The following PDE1A variants were observed in gnomAD, a reference collection of about 807,000 sequenced individuals.
PDE1A encodes dual specificity calcium/calmodulin-dependent 3',5'-cyclic nucleotide phosphodiesterase 1A.
PDE1A carries 35 observed loss-of-function variants against 61.7 expected under a neutral mutation model. The observed-to-expected ratio is 0.57, with a 90% confidence interval of 0.43 to 0.75. The LOEUF (loss-of-function observed/expected upper bound fraction) is 0.75, where lower values mean the gene tolerates loss of function less well. Among genes scored for constraint, PDE1A ranks in the 30% least tolerant of loss-of-function variants. The pLI, the probability that PDE1A is intolerant of heterozygous loss-of-function variation, is 0.00. For synonymous variants in PDE1A, 232 were observed against 213.2 expected, an observed-to-expected ratio of 1.09 and a Z score of -0.77; for missense variants, 597 against 630.6, an observed-to-expected ratio of 0.95 and a Z score of 0.57.
At chr2:182,685,141 AAC>A in the PDE1A span, among the ~76,000 whole-genome samples, 1 of 151,416 alleles carries the variant, frequency 6.6e-6, no homozygotes, top group Admixed American at 6.6e-5. Flanking sequence ...AGAGAGAGAG[AAC>A]AGATAGACAT....
the PDE1A span, among the ~76,000 whole-genome samples, chr2:182,678,789 G>A: frequency 6.6e-6 from 1 of 152,208 alleles, no homozygotes; most frequent in Admixed American, 6.5e-5. Context: ...GGTTACCAGA[G>A]GCTGCGAAGA....
At chr2:182,529,080 C>T in the PDE1A span, among the ~76,000 whole-genome samples, 12 of 152,122 alleles carry the variant, frequency 7.9e-5, no homozygotes, top group Non-Finnish European at 1.2e-4. Context: ...AGAAGAGGGC[C>T]ACCGTCCTCC....
At chr2:182,307,985 T>C (rs1165729045) in intron 1 of PDE1A, among the ~76,000 whole-genome samples, 2 of 152,330 alleles carry the variant, frequency 1.3e-5, no homozygotes, top group East Asian at 1.9e-4. Context: ...TGGAAAACTA[T>C]ATAGAGCTTC....
the PDE1A span, among the ~76,000 whole-genome samples, chr2:182,670,530 G>C: frequency 6.6e-6 from 1 of 152,052 alleles, no homozygotes; most frequent in African/African-American, 2.4e-5. Flanking sequence ...CTAGGCCTAG[G>C]GCAATGATGC....
chr2:182,476,036 C>G (rs1687337183), intron 2 of PDE1A, among the ~76,000 whole-genome samples: 1 of 151,620 alleles, frequency 6.6e-6, no homozygotes, highest in Admixed American at 6.6e-5. Context: ...ATATTAAAAG[C>G]TAAATTTTAT....
At chr2:182,602,981 TCA>T in the PDE1A span, among the ~76,000 whole-genome samples, 66 of 148,784 alleles carry the variant, frequency 4.4e-4, 1 homozygote, top group Middle Eastern at 3.4e-3. Context: ...CTAAAATACA[TCA>T]CACACACACA....
At chr2:182,657,578 G>A in the PDE1A span, among the ~76,000 whole-genome samples, 3,798 of 151,976 alleles carry the variant, frequency 0.025, 130 homozygotes, top group African/African-American at 0.081. Context: ...TGTATCCAAC[G>A]GTCTTAAGCT....
At chr2:182,560,484 T>A in the PDE1A span, among the ~76,000 whole-genome samples, 1 of 151,356 alleles carries the variant, frequency 6.6e-6, no homozygotes, top group East Asian at 1.9e-4. Context: ...TTGGGTTGGT[T>A]CCAAGTCTTT....
At chr2:182,562,512 TTC>T in the PDE1A span, among the ~76,000 whole-genome samples, 110 of 151,964 alleles carry the variant, frequency 7.2e-4, 1 homozygote, top group East Asian at 0.019. Context: ...TGGTCTAAAA[TTC>T]TCTTTTTTGG....
chr2:182,613,540 G>A, the PDE1A span, among the ~76,000 whole-genome samples: 3 of 150,438 alleles, frequency 2.0e-5, no homozygotes, highest in African/African-American at 7.4e-5. Context: ...TCCAGCCTGG[G>A]CGACAGAGTG....
chr2:182,434,124 A>G (rs1189290062), intron 2 of PDE1A, among the ~76,000 whole-genome samples: 1 of 152,120 alleles, frequency 6.6e-6, no homozygotes, highest in African/African-American at 2.4e-5. Flanking sequence ...GGAAAAGATC[A>G]GAACATGTAA....
At chr2:182,404,530 C>T (rs548498931) in intron 1 of PDE1A, among the ~76,000 whole-genome samples, 20 of 152,250 alleles carry the variant, frequency 1.3e-4, no homozygotes, top group African/African-American at 4.1e-4. Context: ...AAAAACATTT[C>T]GACTCTTTTG....
intron 1 of PDE1A, among the ~76,000 whole-genome samples, chr2:182,394,106 C>A (rs1196350869): frequency 6.6e-6 from 1 of 152,172 alleles, no homozygotes; most frequent in Non-Finnish European, 1.5e-5. Flanking sequence ...TAGAGCAGAA[C>A]CCCAATCTAT....
the PDE1A span, among the ~76,000 whole-genome samples, chr2:182,642,814 T>C: frequency 2.0e-5 from 3 of 152,308 alleles, no homozygotes; most frequent in East Asian, 1.9e-4. Flanking sequence ...TTAGGGAACA[T>C]TGTCTGGCTT....
the PDE1A span, among the ~76,000 whole-genome samples, chr2:182,550,606 T>G: frequency 1.3e-5 from 2 of 152,224 alleles, no homozygotes; most frequent in African/African-American, 2.4e-5. Context: ...GTCACACTTC[T>G]AGGTGCATTA....
intron 2 of PDE1A, among the ~76,000 whole-genome samples, chr2:182,513,244 A>T (rs1689921780): frequency 6.6e-6 from 1 of 152,238 alleles, no homozygotes; most frequent in Non-Finnish European, 1.5e-5. Context: ...GGCTAATAGC[A>T]GACCTTTCAA....
At chr2:182,453,910 C>A (rs1480190155) in intron 2 of PDE1A, among the ~76,000 whole-genome samples, 2 of 151,930 alleles carry the variant, frequency 1.3e-5, no homozygotes, top group Non-Finnish European at 2.9e-5. Flanking sequence ...GTTGGAAGTT[C>A]TGGCCAGGGC....
chr2:182,243,538 G>A (rs936620138), intron 2 of PDE1A, among the ~76,000 whole-genome samples: 8 of 152,144 alleles, frequency 5.3e-5, no homozygotes, highest in Non-Finnish European at 8.8e-5. Flanking sequence ...ACCCAAGTTG[G>A]GAGGCAAACA....
the PDE1A span, among the ~76,000 whole-genome samples, chr2:182,558,426 T>C: frequency 6.6e-6 from 1 of 152,288 alleles, no homozygotes; most frequent in South Asian, 2.1e-4. Context: ...ATTTAGCCCT[T>C]TGACAGTCTG....
Sources: gnomAD v4.1 joint callset for allele counts (sites outside exome capture counted in the v4.1 genomes callset) on GRCh38, gnomAD v4.1.1 for gene constraint, MANE v1.5 for transcripts, NCBI Gene and HGNC (gene_info 2026-07-23, HGNC 2026-07-21) for gene names.